ZNF726: variants seen among roughly 807,000 people sequenced by gnomAD.
The protein encoded by ZNF726 is zinc finger protein 92 pseudogene 3.
In ZNF726, 15 loss-of-function variants were observed where a neutral mutation model predicts 11.6. That is an observed-to-expected ratio of 1.29 (90% confidence interval 0.86 to 1.99). ZNF726 has a LOEUF of 1.99. ZNF726 is among the 30% of genes most tolerant of loss of function. ZNF726 has a pLI of 0.00. For missense variants in ZNF726, 890 were observed against 725.6 expected (o/e 1.23, Z -2.60); for synonymous variants, 295 against 243.6 (o/e 1.21, Z -1.96).
At chr19:23,920,802 TCTTG>T (rs1007515586) in intron 3 of ZNF726, 2 of 152,058 alleles carry the variant, frequency 1.3e-5, no homozygotes, top group African/African-American at 4.8e-5. Flanking sequence ...CTGTTTTTTT[TCTTG>T]CTTTCTTTTT....
chr19:23,915,015 G>C lies in ZNF726; in HGVS notation c.3+18G>C, dbSNP rs1382106625. ...TAGAAATGGTGAGAGTGCCGGGTGC[G>C]ACATCCCAAGAGAGGGAACGGGGCT... On this transcript the variant is annotated intron_variant, in intron 1 of 3. Coordinates refer to ENST00000594466, the MANE Select transcript of ZNF726 (RefSeq NM_001244038.2). The C allele has an allele frequency of 3.7e-6, 6 of 1,613,660 alleles. No homozygotes were observed. Among genetic ancestry groups the C allele is most frequent in the Middle Eastern group, 1.6e-4 (1 of 6,084 alleles).
intron 1 of ZNF726, among the ~76,000 whole-genome samples, chr19:23,915,782 G>A (rs1242518666): frequency 6.6e-6 from 1 of 151,910 alleles, no homozygotes; most frequent in African/African-American, 2.4e-5. Context: ...GGGTTTCACC[G>A]TGTTGGTCAG....
At chr19:23,926,849 T>C (rs574466108) in intron 3 of ZNF726, among the ~76,000 whole-genome samples, 424 of 152,288 alleles carry the variant, frequency 2.8e-3, no homozygotes, top group African/African-American at 9.9e-3. Context: ...TTATTGTTGA[T>C]TTTAATGTGT....
At chr19:23,917,673 A>G (rs78462947) in intron 1 of ZNF726, among the ~76,000 whole-genome samples, 424 of 152,120 alleles carry the variant, frequency 2.8e-3, no homozygotes, top group African/African-American at 9.9e-3. Context: ...TTTGTTTACT[A>G]CCTGATTTTT....
downstream of ZNF726, chr19:23,935,383 G>T: frequency 1.9e-6 from 1 of 525,552 alleles, no homozygotes; most frequent in South Asian, 1.4e-5. Context: ...CCCTACAAAT[G>T]GGAAAAAATT....
At position 23,933,263 on chromosome 19, in the gene ZNF726, A is replaced by T; in HGVS notation, c.1147A>T (p.Thr383Ser). The change falls in exon 4 of 4, where the codon ACC (threonine) becomes TCC (serine). Residue 383 changes from threonine to serine, a missense_variant. Thr to Ser is a moderately conservative substitution (Grantham distance 58). Coordinates refer to ENST00000594466, the MANE Select transcript of ZNF726 (RefSeq NM_001244038.2). ...ECGKAFIWPS[T>S]LTKHKRIHTG... is the part of the protein sequence containing the mutation. ...TGGCAAAGCATTTATATGGCCCTCA[A>T]CCCTAACTAAACATAAGAGGATTCA... 6.2e-7 allele frequency: 1 copy of T among 1,612,698 alleles called. No individual in the cohort carries two copies. Among genetic ancestry groups the T allele is most frequent in the Non-Finnish European group, 8.5e-7 (1 of 1,179,878 alleles).
chr19:23,938,184 T>G (rs1050602433), downstream of ZNF726, among the ~76,000 whole-genome samples: 1 of 152,230 alleles, frequency 6.6e-6, no homozygotes, highest in Non-Finnish European at 1.5e-5. Context: ...TTAAATTTTA[T>G]TCTTATTTTT....
At chr19:23,922,769 A>C (rs1326619233) in intron 3 of ZNF726, among the ~76,000 whole-genome samples, 1 of 152,114 alleles carries the variant, frequency 6.6e-6, no homozygotes, top group Non-Finnish European at 1.5e-5. Context: ...GGCAAGTCTT[A>C]ATATTTTGAC....
chr19:23,934,514 A>T, downstream of ZNF726: 1 of 372,342 alleles, frequency 2.7e-6, no homozygotes. Context: ...TTTCCATTGC[A>T]CCTTTATTGT....
In ZNF726 at chr19:23,933,072, G is replaced by A. The variant is rs1360706159; in HGVS notation, c.956G>A (p.Gly319Asp). Residue 319 changes from glycine (G) to aspartate (D), a missense_variant, in exon 4 of 4, where the codon GGC becomes GAC. Coordinates refer to ENST00000594466, the MANE Select transcript of ZNF726 (RefSeq NM_001244038.2). ...GEKPYKCEEC[G>D]KAFVWSSTLT... is the part of the protein sequence containing the mutation. ...AAACCCTACAAATGTGAAGAATGTG[G>A]CAAAGCATTTGTTTGGTCCTCAACC... 2 of 1,613,732 alleles carry A rather than the reference G, an allele frequency of 1.2e-6. No homozygotes were observed. The highest frequency in any genetic ancestry group is 2.2e-5 in the East Asian group (1 of 44,848).
At chr19:23,920,229 TA>T (rs1479838076) in intron 3 of ZNF726, 147 bp downstream of exon 3, 4 of 439,046 alleles carry the variant, frequency 9.1e-6, no homozygotes, top group Non-Finnish European at 1.3e-5. Flanking sequence ...TACTCTCAGA[TA>T]GGGGCATCTT....
chr19:23,932,368 C>T lies in ZNF726; in HGVS notation c.252C>T (p.Asp84=), dbSNP rs760037460. 6 of 1,442,390 alleles carry T rather than the reference C, an allele frequency of 4.2e-6. No homozygotes were observed. The South Asian group carries it at 7.1e-5, about 17-fold the overall frequency. The allele number at this position is 1,442,390 out of a possible 1,614,324, so 89.3% of individuals were successfully genotyped here. The part of the protein sequence containing the change: ...PPGICPHFAQ[D]IWPEQGVEDS... ...GTATATGTCCTCATTTTGCTCAAGA[C>T]ATTTGGCCAGAGCAGGGCGTGGAAG... Residue 84 remains aspartate, a synonymous_variant, in exon 4 of 4, where the codon GAC becomes GAT. Transcript: ENST00000594466.
intron 4 of ZNF726, chr19:23,943,602 G>A: frequency 3.3e-6 from 2 of 612,382 alleles, no homozygotes; most frequent in Non-Finnish European, 6.1e-6. Flanking sequence ...AGGTAAGCAT[G>A]AATGAAGCCG....
chr19:23,923,314 A>G lies in ZNF726; in HGVS notation c.226+3232A>G, dbSNP rs550191985. On this transcript the variant is annotated intron_variant, in intron 3 of 3. Coordinates refer to ENST00000594466, the MANE Select transcript of ZNF726 (RefSeq NM_001244038.2). ...AAAAATTGGCATGAATTTCTTTTAA[A>G]TGCTTATCTATTAAAAGTTTCTCAT... 5.5e-4 allele frequency: 194 copies of G among 350,034 alleles called. 1 individual carries two copies. Among genetic ancestry groups the G allele is most frequent in the Middle Eastern group, 2.0e-3 (2 of 986 alleles). 21.7% of individuals were successfully genotyped at this position (350,034 alleles called of 1,614,324 possible). A position where few individuals can be genotyped will look rare whatever the true frequency, so the allele number is the denominator to read the frequency against.
chr19:23,915,035 G>C, intron 1 of ZNF726, 38 bp downstream of exon 1: 1 of 1,613,696 alleles, frequency 6.2e-7, no homozygotes, highest in Non-Finnish European at 8.5e-7. Context: ...GAGAGGGAAC[G>C]GGGCTGGCTG....
intron 1 of ZNF726, 85 bp downstream of exon 1, chr19:23,915,082 T>G: frequency 6.3e-7 from 1 of 1,596,716 alleles, no homozygotes; most frequent in Non-Finnish European, 8.6e-7. Context: ...GACTCAGGCC[T>G]CCTCGCTGTC....
At chr19:23,927,553 A>C (rs1282772512) in intron 3 of ZNF726, among the ~76,000 whole-genome samples, 1 of 152,150 alleles carries the variant, frequency 6.6e-6, no homozygotes, top group Non-Finnish European at 1.5e-5. Flanking sequence ...GTGTACTGGC[A>C]TGATTTTGGC....
Position 23,932,656 on chromosome 19 carries a change from A to T in ZNF726, c.540A>T (p.Lys180Asn), listed in dbSNP as rs539961972. The T allele has an allele frequency of 1.7e-5, 27 of 1,577,460 alleles. No individual in the cohort carries two copies. The Admixed American group carries it at 2.3e-4, about 13-fold the overall frequency. Residue 180 changes from lysine to asparagine, a missense_variant, in exon 4 of 4, where the codon AAA (lysine) becomes AAT (asparagine). Lys to Asn is a moderately conservative substitution (Grantham distance 94). Transcript: ENST00000594466. Reference protein sequence around the residue: ...KKPFKCKNCVKSFCMFSHKTQ... With the variant: ...KKPFKCKNCVNSFCMFSHKTQ... The stretch of plus-strand genomic sequence containing the variant: ...CTTTCAAATGTAAAAATTGTGTCAA[A>T]TCATTTTGCATGTTTTCACACAAAA...
At position 23,934,420 on chromosome 19, in the gene ZNF726, G is replaced by A; in HGVS notation, c.*453G>A. 4.3e-6 allele frequency: 2 copies of A among 470,456 alleles called. No homozygotes were observed. Among genetic ancestry groups the A allele is most frequent in the South Asian group, 3.2e-5 (2 of 62,202 alleles). 29.1% of individuals were successfully genotyped at this position (470,456 alleles called of 1,614,324 possible). A position where few individuals can be genotyped will look rare whatever the true frequency, so the allele number is the denominator to read the frequency against. The stretch of plus-strand genomic sequence containing the variant: ...AAAAATGTGTCAAAGCCTTTAAGCA[G>A]TCTTCAATCCTGAGTAACCATAAGA... On this transcript the variant is annotated 3_prime_UTR_variant, in exon 4 of 4. Coordinates refer to ENST00000594466, the MANE Select transcript of ZNF726 (RefSeq NM_001244038.2).
Sources: allele counts gnomAD v4.1 joint callset (sites outside exome capture counted in the v4.1 genomes callset), GRCh38; gene constraint gnomAD v4.1.1; transcripts MANE v1.5; gene names NCBI Gene and HGNC (gene_info 2026-07-23, HGNC 2026-07-21).